Variants in INPP5A observed in about 807,000 individuals in gnomAD.
The protein encoded by INPP5A is 43 kDa inositol polyphosphate 5-phophatase.
INPP5A carries 14 observed loss-of-function variants against 65.2 expected under a neutral mutation model. The ratio of observed to expected loss-of-function variants is 0.21; its 90% CI spans 0.14 to 0.34. INPP5A has a LOEUF of 0.34. Ranked by LOEUF, INPP5A falls within the 10% of genes least tolerant of loss-of-function variation. The pLI is 1.00. For missense variants in INPP5A, 431 were observed against 545.6 expected (o/e 0.79, Z 2.09); for synonymous variants, 207 against 208.3 (o/e 0.99, Z 0.05).
chr10:132,607,700 T>C (rs2071876400), intron 1 of INPP5A, among the ~76,000 whole-genome samples: 1 of 152,232 alleles, frequency 6.6e-6, no homozygotes, highest in Admixed American at 6.5e-5. Flanking sequence ...TCGTGCACCA[T>C]GTCCCTGGGA....
In INPP5A at chr10:132,705,944, G is replaced by A. The variant is rs946202735; in HGVS notation, c.475-2369G>A. Among the ~76,000 whole-genome samples the A allele has an allele frequency of 3.3e-5, 5 of 152,186 alleles. No homozygotes were observed. Among genetic ancestry groups the A allele is most frequent in the African/African-American group, 9.7e-5 (4 of 41,430 alleles). ...TCACCCCAAATAAAGTTGATTTCTT[G>A]GGAAAAGCTGACAGACTTTAAGTAT... On this transcript the variant is annotated intron_variant, in intron 6 of 15. Transcript: ENST00000368594. This position sits in a 1 kb window ranked among gnomAD's most constrained non-coding sequence, Gnocchi z 4.9.
chr10:132,763,521 A>G (rs942316529), intron 11 of INPP5A, among the ~76,000 whole-genome samples: 1 of 152,254 alleles, frequency 6.6e-6, no homozygotes, highest in African/African-American at 2.4e-5. Context: ...ATACACATAA[A>G]CACGTGCCTG....
chr10:132,711,635 C>T (rs1845638817), intron 8 of INPP5A, among the ~76,000 whole-genome samples: 4 of 152,200 alleles, frequency 2.6e-5, no homozygotes, highest in Admixed American at 1.3e-4. Context: ...CGTGCGAGGG[C>T]CTGGAGCTGC....
At chr10:132,776,307 TGGAGCGCGC>T (rs952380405) in intron 12 of INPP5A, among the ~76,000 whole-genome samples, 8 of 152,128 alleles carry the variant, frequency 5.3e-5, no homozygotes, top group Non-Finnish European at 1.2e-4. Flanking sequence ...TGGCTCCCGC[TGGAGCGCGC>T]GGAGGATGGG....
intron 11 of INPP5A, among the ~76,000 whole-genome samples, chr10:132,756,147 TGAA>T (rs1171306803): frequency 1.3e-5 from 2 of 151,978 alleles, no homozygotes; most frequent in African/African-American, 4.8e-5. Flanking sequence ...GGTCAGGAAT[TGAA>T]GAGAAAAGCA....
At chr10:132,660,140 T>C (rs1434605751) in intron 4 of INPP5A, among the ~76,000 whole-genome samples, 3 of 152,190 alleles carry the variant, frequency 2.0e-5, no homozygotes, top group African/African-American at 4.8e-5. Context: ...AGTGAAAATA[T>C]TGAGAGGGTG....
intron 9 of INPP5A, among the ~76,000 whole-genome samples, chr10:132,730,832 G>C (rs1445950122): frequency 6.6e-6 from 1 of 152,136 alleles, no homozygotes; most frequent in Non-Finnish European, 1.5e-5. Context: ...CAGGACATGA[G>C]GCTAACAAGC....
At chr10:132,708,885 G>A (rs1845586091) in intron 7 of INPP5A, among the ~76,000 whole-genome samples, 2 of 152,216 alleles carry the variant, frequency 1.3e-5, no homozygotes, top group Non-Finnish European at 2.9e-5. Flanking sequence ...CCTGTTATCT[G>A]CTTTCCTAAG....
chr10:132,568,319 T>A (rs1767956942), intron 1 of INPP5A, among the ~76,000 whole-genome samples: 1 of 152,118 alleles, frequency 6.6e-6, no homozygotes, highest in East Asian at 1.9e-4. Flanking sequence ...TCCATGTGTA[T>A]CGATAGCGAA....
At chr10:132,747,495 G>A (rs1020314523) in intron 9 of INPP5A, among the ~76,000 whole-genome samples, 3 of 152,244 alleles carry the variant, frequency 2.0e-5, no homozygotes, top group African/African-American at 7.2e-5. Context: ...GAGGCGGGTC[G>A]GGCTGCCGAA....
intron 4 of INPP5A, among the ~76,000 whole-genome samples, chr10:132,688,620 T>C (rs1264555237): frequency 6.6e-6 from 1 of 151,868 alleles, no homozygotes; most frequent in African/African-American, 2.4e-5. Flanking sequence ...TGTGTGAGTG[T>C]GAGCAAGTGC....
At chr10:132,742,558 G>A (rs1021248383) in intron 9 of INPP5A, among the ~76,000 whole-genome samples, 3 of 152,240 alleles carry the variant, frequency 2.0e-5, no homozygotes, top group African/African-American at 7.2e-5. Flanking sequence ...GTCAGGCTGT[G>A]TCCAGCCAGA....
At chr10:132,619,645 AC>A (rs1028446113) in intron 2 of INPP5A, among the ~76,000 whole-genome samples, 1 of 151,854 alleles carries the variant, frequency 6.6e-6, no homozygotes, top group African/African-American at 2.4e-5. Context: ...TGAGGGCTGC[AC>A]CCCTGCAGCA....
intron 1 of INPP5A, among the ~76,000 whole-genome samples, chr10:132,607,582 G>A (rs551347122): frequency 9.9e-5 from 15 of 152,230 alleles, no homozygotes; most frequent in South Asian, 2.1e-4. Context: ...TGGCTGAGCC[G>A]TCTCTTCCCT....
Position 132,708,353 on chromosome 10 carries a change from G to A in INPP5A, c.515G>A (p.Cys172Tyr). The A allele has an allele frequency of 1.2e-6, 2 of 1,614,128 alleles. No individual in the cohort carries two copies. The highest frequency in any genetic ancestry group is 1.7e-6 in the Non-Finnish European group (2 of 1,179,942). The change falls in exon 7 of 16, where the codon TGC (cysteine) becomes TAC (tyrosine). Residue 172 changes from cysteine (C) to tyrosine (Y), a missense_variant. Cys to Tyr is a radical substitution (Grantham distance 194). Transcript: ENST00000368594. Reference protein sequence around the residue: ...SRKGFIRTRWCIADCAFDLVN... With the variant: ...SRKGFIRTRWYIADCAFDLVN... Reference sequence around the variant, plus strand: ...AAAGGCTTCATCCGGACGAGGTGGTGCATTGCAGACTGGTACGTGGTGTCT... The same window carrying A: ...AAAGGCTTCATCCGGACGAGGTGGTACATTGCAGACTGGTACGTGGTGTCT...
intron 11 of INPP5A, among the ~76,000 whole-genome samples, chr10:132,760,479 G>T (rs1358911214): frequency 2.0e-5 from 3 of 152,266 alleles, no homozygotes; most frequent in African/African-American, 4.8e-5. Flanking sequence ...CTTTGGTGCT[G>T]TCCAGGACTG....
chr10:132,641,686 A>AT (rs2072429138), intron 2 of INPP5A, among the ~76,000 whole-genome samples: 1 of 152,240 alleles, frequency 6.6e-6, no homozygotes, highest in Non-Finnish European at 1.5e-5. Context: ...TGGAGGAACA[A>AT]TAGCATCATC....
At chr10:132,721,666 G>T (rs1845884361) in intron 8 of INPP5A, among the ~76,000 whole-genome samples, 1 of 151,006 alleles carries the variant, frequency 6.6e-6, no homozygotes. Context: ...GTTCTGTCTG[G>T]GCACCTTAGA....
intron 1 of INPP5A, among the ~76,000 whole-genome samples, chr10:132,597,773 G>A (rs2133325442): frequency 6.6e-6 from 1 of 151,410 alleles, no homozygotes; most frequent in East Asian, 2.0e-4. Context: ...AGTGACCCTG[G>A]GCCTGTGGTG....
Sources: gnomAD v4.1 joint callset for allele counts (sites outside exome capture counted in the v4.1 genomes callset) on GRCh38, gnomAD v4.1.1 for gene constraint, Gnocchi (gnomAD v3.1) non-coding constraint, MANE v1.5 for transcripts, NCBI Gene and HGNC (gene_info 2026-07-23, HGNC 2026-07-21) for gene names.